XKR9: variants seen among roughly 807,000 people sequenced by gnomAD.
XKR9 encodes XK-related protein 9.
XKR9 carries 32 observed loss-of-function variants against 32.0 expected under a neutral mutation model. The observed-to-expected ratio is 1.00, with a 90% CI of 0.76 to 1.34. The LOEUF (loss-of-function observed/expected upper bound fraction) is 1.34, where lower values mean the gene tolerates loss of function less well. Among genes scored for constraint, XKR9 ranks in the 40% most tolerant of loss-of-function variants. XKR9 has a pLI of 0.00. For missense variants in XKR9, 546 were observed against 429.7 expected, an observed-to-expected ratio of 1.27 and a Z score of -2.39; for synonymous variants, 168 against 143.4, an observed-to-expected ratio of 1.17 and a Z score of -1.22.
At chr8:70,998,799 TG>T in the XKR9 span, among the ~76,000 whole-genome samples, 1 of 152,196 alleles carries the variant, frequency 6.6e-6, no homozygotes, top group African/African-American at 2.4e-5. Context: ...AGCTCCTCAC[TG>T]GGCATTGCTT....
At chr8:70,950,525 A>G in the XKR9 span, among the ~76,000 whole-genome samples, 1 of 152,170 alleles carries the variant, frequency 6.6e-6, no homozygotes, top group Non-Finnish European at 1.5e-5. Flanking sequence ...TGAGGAGAAC[A>G]GAGCCATGGG....
At chr8:70,768,405 G>T (rs929965741) in intron 2 of XKR9, among the ~76,000 whole-genome samples, 2 of 152,120 alleles carry the variant, frequency 1.3e-5, no homozygotes. Flanking sequence ...TGTTGATTTG[G>T]GGTGGAGAGT....
chr8:70,951,458 C>T, the XKR9 span, among the ~76,000 whole-genome samples: 1 of 152,254 alleles, frequency 6.6e-6, no homozygotes, highest in African/African-American at 2.4e-5. Flanking sequence ...CCTGGCCACT[C>T]CTCAGCAGAA....
chr8:70,790,887 C>A (rs1807755590), downstream of XKR9, among the ~76,000 whole-genome samples: 1 of 151,920 alleles, frequency 6.6e-6, no homozygotes, highest in Non-Finnish European at 1.5e-5. Context: ...CTGATGAGGT[C>A]CTGCTTCCTT....
At chr8:71,016,637 C>T in the XKR9 span, among the ~76,000 whole-genome samples, 9 of 152,212 alleles carry the variant, frequency 5.9e-5, no homozygotes, top group Admixed American at 2.0e-4. Flanking sequence ...ACACAAAACA[C>T]AGCTACTCTT....
At chr8:71,054,652 G>C in the XKR9 span, among the ~76,000 whole-genome samples, 1 of 152,130 alleles carries the variant, frequency 6.6e-6, no homozygotes, top group Admixed American at 6.5e-5. Context: ...CTGTTTGTAA[G>C]GTCCCAGGGG....
chr8:70,814,375 T>C, the XKR9 span, among the ~76,000 whole-genome samples: 3 of 152,056 alleles, frequency 2.0e-5, no homozygotes, highest in Admixed American at 1.3e-4. Context: ...CACACCAACA[T>C]TGCACATGTA....
chr8:71,054,828 G>C, the XKR9 span, among the ~76,000 whole-genome samples: 3 of 152,024 alleles, frequency 2.0e-5, no homozygotes, highest in Admixed American at 6.6e-5. Context: ...GCAACTCTGC[G>C]CAGGTGTTGC....
At chr8:70,794,823 TTG>T (rs56167343), downstream of XKR9, among the ~76,000 whole-genome samples, 1,277 of 147,628 alleles carry the variant, frequency 8.7e-3, 15 homozygotes, top group African/African-American at 0.025. Context: ...TAGTCTTCTT[TTG>T]TGTGTGTGTG....
chr8:71,058,159 C>T, the XKR9 span, among the ~76,000 whole-genome samples: 4 of 150,674 alleles, frequency 2.7e-5, no homozygotes, highest in Non-Finnish European at 5.9e-5. Context: ...CCAGCCTGGG[C>T]AACAGCGAGA....
At chr8:70,747,197 G>A (rs151036395) in intron 2 of XKR9, among the ~76,000 whole-genome samples, 2 of 152,242 alleles carry the variant, frequency 1.3e-5, no homozygotes, top group East Asian at 3.9e-4. Context: ...CTTTGTTATT[G>A]TGAATAGTGC....
intron 3 of XKR9, among the ~76,000 whole-genome samples, chr8:70,699,388 A>T (rs952853540): frequency 3.3e-5 from 5 of 151,940 alleles, no homozygotes; most frequent in African/African-American, 1.2e-4. Flanking sequence ...GTGGTGACAA[A>T]ATCTCTCAGC....
the XKR9 span, among the ~76,000 whole-genome samples, chr8:70,840,300 T>A: frequency 6.6e-6 from 1 of 152,182 alleles, no homozygotes; most frequent in African/African-American, 2.4e-5. Flanking sequence ...ATTTGAGGCC[T>A]ATATCTGATA....
chr8:70,761,494 G>GCA (rs1308984485), intron 2 of XKR9, among the ~76,000 whole-genome samples: 3 of 151,782 alleles, frequency 2.0e-5, no homozygotes, highest in Admixed American at 6.6e-5. Flanking sequence ...ATTGTTGTTC[G>GCA]CACGTGTCTT....
the XKR9 span, among the ~76,000 whole-genome samples, chr8:70,999,163 A>T: frequency 3.3e-5 from 5 of 152,338 alleles, no homozygotes; most frequent in South Asian, 1.0e-3. Context: ...TATAATTCTG[A>T]TAAAACAGAT....
In XKR9 at chr8:70,711,719, CCCAG is replaced by C. The variant is rs1805926113; in HGVS notation, c.493+4567_493+4570del. Among the ~76,000 whole-genome samples, 4 of 72,904 alleles carry C rather than the reference CCCAG, an allele frequency of 5.5e-5. 2 individuals carry two copies. The highest frequency in any genetic ancestry group is 1.4e-4 in the Non-Finnish European group (4 of 28,862). The allele number at this position is 72,904 out of a possible 152,430, so 47.8% of individuals were successfully genotyped here. ...TGAGGAAATTATTTGTATACCTAAC[CCCAG>C]TGATACACAATTTACCCATGTAAAA... On this transcript the variant is annotated intron_variant, in intron 4 of 4. Coordinates refer to ENST00000408926, the MANE Select transcript of XKR9 (RefSeq NM_001011720.2).
At chr8:70,723,916 C>A (rs151267361) in intron 4 of XKR9, among the ~76,000 whole-genome samples, 1 of 144,694 alleles carries the variant, frequency 6.9e-6, no homozygotes, top group African/African-American at 2.6e-5. Flanking sequence ...GACGGAGTGT[C>A]GCTCTGTGGC....
chr8:70,887,378 T>G, the XKR9 span, among the ~76,000 whole-genome samples: 1 of 152,208 alleles, frequency 6.6e-6, no homozygotes, highest in Admixed American at 6.5e-5. Flanking sequence ...CTTTGTTCTT[T>G]TTGCTTAGAA....
At chr8:71,062,725 G>A in the XKR9 span, among the ~76,000 whole-genome samples, 3 of 151,776 alleles carry the variant, frequency 2.0e-5, no homozygotes, top group African/African-American at 7.3e-5. Context: ...AAACCTCTCA[G>A]AGCATCTGGA....
Sources: allele counts gnomAD v4.1 joint callset (sites outside exome capture counted in the v4.1 genomes callset), GRCh38; gene constraint gnomAD v4.1.1; transcripts MANE v1.5; gene names NCBI Gene and HGNC (gene_info 2026-07-23, HGNC 2026-07-21).